The following ROBO2 variants were observed in gnomAD, a reference collection of about 807,000 sequenced individuals.
The protein encoded by ROBO2 is roundabout homolog 2.
A neutral mutation model predicts 160.8 loss-of-function variants in ROBO2; 53 were observed. The observed-to-expected ratio is 0.33, with a 90% confidence interval of 0.26 to 0.41. ROBO2 has a LOEUF of 0.41. Among genes scored for constraint, ROBO2 ranks in the 10% least tolerant of loss-of-function variants. The pLI is 1.00. For synonymous variants in ROBO2, 664 were observed against 611.7 expected (o/e 1.09, Z -1.26); for missense variants, 1,577 against 1,722.4 (o/e 0.92, Z 1.49).
chr3:77,386,894 C>T (rs1026259823), intron 2 of ROBO2, among the ~76,000 whole-genome samples: 13 of 151,740 alleles, frequency 8.6e-5, no homozygotes, highest in Admixed American at 1.3e-4. Context: ...TGAACCACTG[C>T]GCCCAGCCGA....
intron 2 of ROBO2, among the ~76,000 whole-genome samples, chr3:75,966,008 T>C (rs1309003056): frequency 6.6e-6 from 1 of 151,762 alleles, no homozygotes; most frequent in Non-Finnish European, 1.5e-5. Flanking sequence ...ATTACATCTT[T>C]ACAGTTTATT....
chr3:76,703,386 T>G (rs2093087353), intron 2 of ROBO2, among the ~76,000 whole-genome samples: 1 of 152,160 alleles, frequency 6.6e-6, no homozygotes, highest in Non-Finnish European at 1.5e-5. Flanking sequence ...TTTAATATGC[T>G]TTAAATTCTG....
chr3:76,844,480 C>A (rs1025973720), intron 2 of ROBO2, among the ~76,000 whole-genome samples: 1 of 151,758 alleles, frequency 6.6e-6, no homozygotes, highest in South Asian at 2.1e-4. Flanking sequence ...AAGTGAAAAC[C>A]GTGAATAGTA....
intron 6 of ROBO2, among the ~76,000 whole-genome samples, chr3:77,533,385 T>C (rs2091888848): frequency 6.6e-6 from 1 of 152,140 alleles, no homozygotes; most frequent in Non-Finnish European, 1.5e-5. Flanking sequence ...AGGTCCCAAA[T>C]GCAGGCAGTC....
At chr3:77,283,942 C>T (rs1046236011) in intron 2 of ROBO2, among the ~76,000 whole-genome samples, 2 of 152,100 alleles carry the variant, frequency 1.3e-5, no homozygotes, top group Non-Finnish European at 2.9e-5. Flanking sequence ...ACTTTTGGAA[C>T]ATATTGTAAT....
intron 2 of ROBO2, among the ~76,000 whole-genome samples, chr3:76,764,909 A>G (rs1205089782): frequency 3.3e-5 from 5 of 151,430 alleles, no homozygotes; most frequent in Admixed American, 3.3e-4. Flanking sequence ...ATTTTTTTTA[A>G]TTTTCATATT....
chr3:77,524,018 G>A (rs2090887160), intron 6 of ROBO2, among the ~76,000 whole-genome samples: 1 of 151,100 alleles, frequency 6.6e-6, no homozygotes, highest in Non-Finnish European at 1.5e-5. Flanking sequence ...TTTTTACCAG[G>A]TTTATGATTT....
At chr3:76,965,079 A>C (rs1016712483) in intron 2 of ROBO2, among the ~76,000 whole-genome samples, 6 of 152,220 alleles carry the variant, frequency 3.9e-5, no homozygotes, top group African/African-American at 1.2e-4. Context: ...AGTAGATACA[A>C]GAGTAGGTGG....
chr3:75,979,411 C>A (rs928183414), intron 2 of ROBO2, among the ~76,000 whole-genome samples: 1 of 151,244 alleles, frequency 6.6e-6, no homozygotes, highest in Non-Finnish European at 1.5e-5. Flanking sequence ...CTTGAGTAGG[C>A]AGGAGAGAAT....
At chr3:75,979,733 A>G (rs2065227042) in intron 2 of ROBO2, among the ~76,000 whole-genome samples, 1 of 151,746 alleles carries the variant, frequency 6.6e-6, no homozygotes, top group African/African-American at 2.4e-5. Context: ...GATGATGACC[A>G]TTAAAACACA....
rs549110133 is a variant in ROBO2 at position 77,539,433 on chromosome 3, G to GT, written c.935-6897dup. Among the ~76,000 whole-genome samples, 6 of 151,760 alleles carry GT rather than the reference G, an allele frequency of 4.0e-5. No homozygotes were observed. In the East Asian group the frequency reaches 5.8e-4, roughly 15 times the overall value. On this transcript the variant is annotated intron_variant, in intron 6 of 25. Coordinates refer to ENST00000461745, the Ensembl canonical transcript of ROBO2. ...AAACAACACATATCAGAATCGATTAGTTTTTTTTCAAATCACATATATATT... is the reference window on the plus strand; with the variant it reads ...AAACAACACATATCAGAATCGATTAGTTTTTTTTTCAAATCACATATATATT...
chr3:76,314,212 G>A (rs2071808208), intron 2 of ROBO2, among the ~76,000 whole-genome samples: 1 of 152,024 alleles, frequency 6.6e-6, no homozygotes, highest in African/African-American at 2.4e-5. Context: ...TGACATAAGT[G>A]ATCATAAGAG....
chr3:77,459,883 T>C (rs1292945879), intron 2 of ROBO2, among the ~76,000 whole-genome samples: 1 of 147,234 alleles, frequency 6.8e-6, no homozygotes, highest in East Asian at 2.1e-4. Context: ...TCATATCTCT[T>C]GAACCTTGTA....
intron 2 of ROBO2, among the ~76,000 whole-genome samples, chr3:76,620,804 C>T (rs2089009166): frequency 6.6e-6 from 1 of 152,040 alleles, no homozygotes; most frequent in African/African-American, 2.4e-5. Context: ...AATAACAAAA[C>T]GCCGGTCTTG....
chr3:76,591,078 C>A (rs182334307), intron 2 of ROBO2, among the ~76,000 whole-genome samples: 1 of 152,060 alleles, frequency 6.6e-6, no homozygotes, highest in African/African-American at 2.4e-5. Context: ...CTTTTGACTG[C>A]CCCAAAACTT....
chr3:76,109,822 C>A (rs1236887801), intron 2 of ROBO2, among the ~76,000 whole-genome samples: 1 of 151,816 alleles, frequency 6.6e-6, no homozygotes, highest in African/African-American at 2.4e-5. Flanking sequence ...CCCTCTCCCA[C>A]CCTTCAATTT....
intron 2 of ROBO2, among the ~76,000 whole-genome samples, chr3:76,748,733 G>T (rs1056819616): frequency 7.2e-5 from 11 of 151,796 alleles, no homozygotes; most frequent in African/African-American, 9.7e-5. Flanking sequence ...TGCTGGTAGG[G>T]TCATAAACTG....
At chr3:76,254,184 C>T (rs1040017965) in intron 2 of ROBO2, among the ~76,000 whole-genome samples, 4 of 151,958 alleles carry the variant, frequency 2.6e-5, no homozygotes, top group African/African-American at 9.7e-5. Context: ...ATTTGAGAAG[C>T]AAGATCTGGT....
At chr3:76,560,237 C>G (rs570486163) in intron 2 of ROBO2, among the ~76,000 whole-genome samples, 5 of 152,122 alleles carry the variant, frequency 3.3e-5, no homozygotes, top group African/African-American at 1.2e-4. Flanking sequence ...CACGTCTGGA[C>G]ACAAGATAAT....
Sources: allele counts gnomAD v4.1 joint callset (sites outside exome capture counted in the v4.1 genomes callset), GRCh38; gene constraint gnomAD v4.1.1; transcripts MANE v1.5; gene names NCBI Gene and HGNC (gene_info 2026-07-23, HGNC 2026-07-21).